Variants in WDFY3 observed in about 807,000 individuals in gnomAD.
The protein encoded by WDFY3 is WD repeat and FYVE domain-containing protein 3.
A neutral mutation model predicts 409.6 loss-of-function variants in WDFY3; 66 were observed. That is an observed-to-expected ratio of 0.16 (90% CI 0.13 to 0.20). The LOEUF (loss-of-function observed/expected upper bound fraction) is 0.20. Among genes scored for constraint, WDFY3 ranks in the 10% least tolerant of loss-of-function variants. The probability of loss-of-function intolerance (pLI) is 1.00; values close to 1 mark genes in which losing one functional copy is unlikely to be tolerated. For synonymous variants in WDFY3, 1,521 were observed against 1,537.1 expected (o/e 0.99, Z 0.25); for missense variants, 3,031 against 4,298.1 (o/e 0.71, Z 8.24).
At chr4:84,915,415 T>C (rs1001823738) in intron 2 of WDFY3, among the ~76,000 whole-genome samples, 4 of 152,188 alleles carry the variant, frequency 2.6e-5, no homozygotes, top group African/African-American at 9.7e-5. Flanking sequence ...CTAAAGTCTA[T>C]CACCACAAAA....
intron 5 of WDFY3, among the ~76,000 whole-genome samples, chr4:84,849,228 G>A (rs988646833): frequency 2.0e-5 from 3 of 152,068 alleles, no homozygotes; most frequent in Admixed American, 6.5e-5. Context: ...GGCCTAGAGA[G>A]CAACTACTAC....
At chr4:84,728,751 G>T (rs758539779) in intron 44 of WDFY3, among the ~76,000 whole-genome samples, 4 of 151,702 alleles carry the variant, frequency 2.6e-5, no homozygotes, top group Admixed American at 2.6e-4. Flanking sequence ...TTGATTAACC[G>T]GTTCTTATTT....
At chr4:84,752,052 G>A (rs1195658939) in intron 35 of WDFY3, among the ~76,000 whole-genome samples, 1 of 151,962 alleles carries the variant, frequency 6.6e-6, no homozygotes, top group Non-Finnish European at 1.5e-5. Context: ...CCCCTACTGT[G>A]AAGTCAAATG....
intron 50 of WDFY3, among the ~76,000 whole-genome samples, chr4:84,713,889 C>T (rs140399159): frequency 0.02 from 3,097 of 151,998 alleles, 38 homozygotes; most frequent in Non-Finnish European, 0.031. Context: ...GAGGCCGAGG[C>T]GGGCAGATCA....
At chr4:84,739,816 T>C (rs1738087782) in intron 39 of WDFY3, among the ~76,000 whole-genome samples, 1 of 152,208 alleles carries the variant, frequency 6.6e-6, no homozygotes, top group South Asian at 2.1e-4. Context: ...ATGAAATATC[T>C]GTCAAAGCAA....
Position 84,805,051 on chromosome 4 carries a change from T to C in WDFY3, c.2430-1584A>G, listed in dbSNP as rs562125212. On this transcript the variant is annotated intron_variant, in intron 15 of 67. Transcript: ENST00000295888. ...AAGTAGAAAATTTCACATCTGACCT[T>C]ATATGATGGATCAGAGTCAAAACAC... Among the ~76,000 whole-genome samples the C allele has an allele frequency of 4.5e-4, 69 of 152,296 alleles. No homozygotes were observed. The South Asian group carries it at 0.012, about 26-fold the overall frequency.
intron 4 of WDFY3, among the ~76,000 whole-genome samples, chr4:84,857,126 CATTAT>C (rs937170069): frequency 6.6e-6 from 1 of 152,056 alleles, no homozygotes; most frequent in Non-Finnish European, 1.5e-5. Flanking sequence ...TCAAATCACT[CATTAT>C]ATTAGAGTTT....
intron 3 of WDFY3, among the ~76,000 whole-genome samples, chr4:84,895,164 T>C (rs1364245103): frequency 6.6e-6 from 1 of 152,186 alleles, no homozygotes; most frequent in East Asian, 1.9e-4. Context: ...TACTTTCTTA[T>C]TCATTTAATA....
At chr4:84,715,526 G>C (rs1733714524) in intron 49 of WDFY3, 143 bp from the exon 50 acceptor site, 2 of 489,362 alleles carry the variant, frequency 4.1e-6, no homozygotes, top group African/African-American at 2.0e-5. Context: ...TGTAATCCCA[G>C]CACTTTGGGA....
At chr4:84,863,403 A>G (rs1760932778) in intron 3 of WDFY3, among the ~76,000 whole-genome samples, 1 of 152,170 alleles carries the variant, frequency 6.6e-6, no homozygotes. Flanking sequence ...TCTGGCCAAC[A>G]TTCTCGCCAC....
chr4:84,823,580 C>A (rs1328617037), intron 10 of WDFY3, among the ~76,000 whole-genome samples: 1 of 152,014 alleles, frequency 6.6e-6, no homozygotes, highest in Non-Finnish European at 1.5e-5. Flanking sequence ...CTAAAGAACT[C>A]TTATAACTCC....
At position 84,955,434 on chromosome 4, in the gene WDFY3, T is replaced by C. The variant is rs1199641214; in HGVS notation, c.-226+10775A>G. 4.6e-5 allele frequency among the ~76,000 whole-genome samples: 7 copies of C among 152,322 alleles called. No homozygotes were observed. In the South Asian group the frequency reaches 6.2e-4, roughly 14 times the overall value. ...GGGAAGAAACATACCCTGGGCCTGCTGCCTACGGACATAAGGCACAGATCT... is the reference window on the plus strand; with the variant it reads ...GGGAAGAAACATACCCTGGGCCTGCCGCCTACGGACATAAGGCACAGATCT... On this transcript the variant is annotated intron_variant, in intron 1 of 67. Coordinates refer to ENST00000295888, the MANE Select transcript of WDFY3 (RefSeq NM_014991.6).
At chr4:84,859,072 G>A (rs1038963104) in intron 4 of WDFY3, among the ~76,000 whole-genome samples, 3 of 151,682 alleles carry the variant, frequency 2.0e-5, no homozygotes, top group African/African-American at 7.3e-5. Flanking sequence ...GATGTGGGAG[G>A]GACAGAGAAA....
chr4:84,965,832 C>G (rs1561184045), intron 1 of WDFY3: 1 of 152,466 alleles, frequency 6.6e-6, no homozygotes, highest in Non-Finnish European at 1.5e-5. Flanking sequence ...GAGCCAGGGC[C>G]GCCTACGCCC....
intron 19 of WDFY3, among the ~76,000 whole-genome samples, chr4:84,795,244 T>C (rs1416790851): frequency 6.6e-6 from 1 of 152,188 alleles, no homozygotes; most frequent in Admixed American, 6.5e-5. Context: ...CAACATACTC[T>C]AACGTATAAA....
intron 2 of WDFY3, among the ~76,000 whole-genome samples, chr4:84,917,983 A>C (rs925967187): frequency 9.2e-5 from 14 of 152,150 alleles, no homozygotes; most frequent in African/African-American, 3.4e-4. Context: ...AGAAAAATGC[A>C]CATTCTAACT....
chr4:84,889,435 T>C (rs1303682761), intron 3 of WDFY3, among the ~76,000 whole-genome samples: 1 of 151,988 alleles, frequency 6.6e-6, no homozygotes, highest in African/African-American at 2.4e-5. Context: ...TAAAGACAGG[T>C]TGAAATTTCT....
chr4:84,934,839 C>T (rs1445930773), intron 1 of WDFY3, among the ~76,000 whole-genome samples: 1 of 152,018 alleles, frequency 6.6e-6, no homozygotes, highest in African/African-American at 2.4e-5. Context: ...CCCCTGTAAC[C>T]GCAATCCTGT....
At chr4:84,884,516 A>G (rs1466579046) in intron 3 of WDFY3, among the ~76,000 whole-genome samples, 1 of 152,170 alleles carries the variant, frequency 6.6e-6, no homozygotes, top group African/African-American at 2.4e-5. Flanking sequence ...AAGAAATTAC[A>G]TTTAATTACA....
Sources: gnomAD v4.1 joint callset for allele counts (sites outside exome capture counted in the v4.1 genomes callset) on GRCh38, gnomAD v4.1.1 for gene constraint, MANE v1.5 for transcripts, NCBI Gene and HGNC (gene_info 2026-07-23, HGNC 2026-07-21) for gene names.